The following DNAH12 variants were observed in gnomAD, a reference collection of about 807,000 sequenced individuals.
DNAH12 encodes dynein axonemal heavy chain 12, also known as axonemal beta dynein heavy chain 12.
Under a neutral mutation model 371.5 loss-of-function variants are expected in DNAH12, and 285 were observed. The observed-to-expected ratio is 0.77, with a 90% CI of 0.70 to 0.85. The LOEUF (loss-of-function observed/expected upper bound fraction) is 0.85. Among genes scored for constraint, DNAH12 ranks in the 40% least tolerant of loss-of-function variants. The pLI, the probability that DNAH12 is intolerant of heterozygous loss-of-function variation, is 0.00. For missense variants in DNAH12, 3,611 were observed against 3,689.4 expected (o/e 0.98, Z 0.55); for synonymous variants, 1,200 against 1,213.0 (o/e 0.99, Z 0.22).
chr3:57,480,236 G>T (rs1240385142), intron 13 of DNAH12, among the ~76,000 whole-genome samples: 4 of 152,064 alleles, frequency 2.6e-5, no homozygotes, highest in African/African-American at 4.8e-5. Context: ...TGATAAAGGG[G>T]ATGTCACCAC....
At chr3:57,390,862 T>TA (rs2063608319) in intron 45 of DNAH12, among the ~76,000 whole-genome samples, 1 of 152,098 alleles carries the variant, frequency 6.6e-6, no homozygotes, top group Admixed American at 6.5e-5. Context: ...GCAGATTATC[T>TA]AAAAATATGT....
intron 2 of DNAH12, among the ~76,000 whole-genome samples, chr3:57,541,605 A>T (rs181521203): frequency 6.6e-6 from 1 of 151,492 alleles, no homozygotes; most frequent in Admixed American, 6.6e-5. Flanking sequence ...GGCTCAAGCA[A>T]TCCTCCCACT....
intron 4 of DNAH12, among the ~76,000 whole-genome samples, chr3:57,521,624 C>T (rs754268211): frequency 3.6e-4 from 55 of 152,332 alleles, no homozygotes; most frequent in Non-Finnish European, 6.9e-4. Context: ...GCGGTGGCTC[C>T]GCCTGTAATC....
intron 12 of DNAH12, 79 bp from the exon 13 acceptor site, chr3:57,483,590 A>C: frequency 7.2e-7 from 1 of 1,381,780 alleles, no homozygotes; most frequent in Non-Finnish European, 9.6e-7. Flanking sequence ...TATGACGATT[A>C]CTATAAAATA....
intron 35 of DNAH12, 26 bp from the exon 36 acceptor site, chr3:57,421,732 T>C: frequency 6.4e-6 from 10 of 1,550,938 alleles, no homozygotes; most frequent in Non-Finnish European, 8.7e-6. Flanking sequence ...AAATTTAACT[T>C]ATAGCAATTA....
chr3:57,296,049 G>A (rs1035500180), intron 72 of DNAH12, among the ~76,000 whole-genome samples: 1 of 152,150 alleles, frequency 6.6e-6, no homozygotes, highest in Admixed American at 6.5e-5. Context: ...ATTTAAAAGT[G>A]AGGTGGTCCT....
At chr3:57,302,565 G>GTTTTTT (rs1407756841) in intron 69 of DNAH12, among the ~76,000 whole-genome samples, 5 of 28,852 alleles carry the variant, frequency 1.7e-4, no homozygotes, top group African/African-American at 5.2e-4. Context: ...ATATATATAT[G>GTTTTTT]TATTTTTTTT....
intron 66 of DNAH12, 97 bp downstream of exon 66, chr3:57,314,397 T>C: frequency 1.4e-6 from 2 of 1,393,334 alleles, no homozygotes; most frequent in South Asian, 1.3e-5. Flanking sequence ...CACCTGTTAG[T>C]GTTGGGAGAA....
In DNAH12 at chr3:57,509,164, C is replaced by T; in HGVS notation, c.518G>A (p.Gly173Glu). 1.2e-6 allele frequency: 2 copies of T among 1,613,744 alleles called. No individual in the cohort carries two copies. The highest frequency in any genetic ancestry group is 1.7e-6 in the Non-Finnish European group (2 of 1,179,920). Residue 173 changes from glycine (G) to glutamate (E), a missense_variant, in exon 6 of 74, where the codon GGA becomes GAA. Physicochemically the swap from Gly to Glu is moderately conservative, Grantham distance 98. Transcript: ENST00000495027. Reference protein sequence around the residue: ...KPPVKSLEDEGGPLPESPVGL... With the variant: ...KPPVKSLEDEEGPLPESPVGL... ...CACAGGAGATTCAGGTAAAGGACCT[C>T]CTTCATCTTCAAGCGATTTAACTGG...
At chr3:57,389,190 T>A (rs1467027303) in intron 45 of DNAH12, among the ~76,000 whole-genome samples, 1 of 151,802 alleles carries the variant, frequency 6.6e-6, no homozygotes, top group Non-Finnish European at 1.5e-5. Context: ...TTCTTTATCT[T>A]ATTTACTCTC....
chr3:57,430,036 T>C (rs1379666434), intron 32 of DNAH12, among the ~76,000 whole-genome samples: 1 of 152,112 alleles, frequency 6.6e-6, no homozygotes, highest in Non-Finnish European at 1.5e-5. Flanking sequence ...AGGGGGACTA[T>C]AAGACAAAGT....
At chr3:57,389,153 T>C (rs2063557451) in intron 45 of DNAH12, among the ~76,000 whole-genome samples, 2 of 152,132 alleles carry the variant, frequency 1.3e-5, no homozygotes, top group South Asian at 2.1e-4. Context: ...CACCAGTTCA[T>C]GTATATTTTA....
rs868817549 is a variant in DNAH12 at position 57,303,140 on chromosome 3, C to T, written c.11190-1201G>A. 6.6e-5 allele frequency among the ~76,000 whole-genome samples: 10 copies of T among 151,508 alleles called. No individual in the cohort carries two copies. In the South Asian group the frequency reaches 2.1e-3, roughly 32 times the overall value. On this transcript the variant is annotated intron_variant, in intron 69 of 73. Transcript: ENST00000495027. ...GCATCACGAGGTCAGGAGATCGAGA[C>T]CATCCTGGCTAACATGGTGAAACCC...
intron 11 of DNAH12, among the ~76,000 whole-genome samples, chr3:57,499,673 T>TATATATATATATATATACACACACACAC (rs771112538): frequency 2.2e-5 from 1 of 44,458 alleles, no homozygotes. Flanking sequence ...TATATATATA[T>TATATATATATATATATACACACACACAC]ATACTTCTTA....
chr3:57,345,149 AC>A, intron 60 of DNAH12, among the ~76,000 whole-genome samples: 1 of 152,322 alleles, frequency 6.6e-6, no homozygotes, highest in Non-Finnish European at 1.5e-5. Flanking sequence ...TACTGTATTT[AC>A]CAATACTGTA....
chr3:57,401,753 A>G (rs560217799), intron 43 of DNAH12, among the ~76,000 whole-genome samples: 47 of 152,104 alleles, frequency 3.1e-4, no homozygotes, highest in African/African-American at 8.7e-4. Context: ...TACAAAAAAA[A>G]AGAGAGAGAG....
chr3:57,555,294 C>T, the DNAH12 span, among the ~76,000 whole-genome samples: 2 of 152,048 alleles, frequency 1.3e-5, no homozygotes, highest in Non-Finnish European at 2.9e-5. Flanking sequence ...TTAATATATG[C>T]CCCATTATTA....
chr3:57,526,290 T>C (rs1276665779), intron 2 of DNAH12, among the ~76,000 whole-genome samples: 1 of 152,226 alleles, frequency 6.6e-6, no homozygotes, highest in Non-Finnish European at 1.5e-5. Context: ...TCACTTAACA[T>C]AATGACCATC....
intron 43 of DNAH12, among the ~76,000 whole-genome samples, chr3:57,398,263 C>T (rs1181781855): frequency 2.6e-5 from 4 of 151,960 alleles, no homozygotes; most frequent in East Asian, 1.9e-4. Flanking sequence ...AAACAATAAA[C>T]GAAGGTGGAG....
Sources: gnomAD v4.1 joint callset for allele counts (sites outside exome capture counted in the v4.1 genomes callset) on GRCh38, gnomAD v4.1.1 for gene constraint, MANE v1.5 for transcripts, NCBI Gene and HGNC (gene_info 2026-07-23, HGNC 2026-07-21) for gene names.